Variants in RNF144A observed in about 807,000 individuals in gnomAD.
The protein encoded by RNF144A is E3 ubiquitin-protein ligase RNF144A.
In RNF144A, 11 loss-of-function variants were observed where a neutral mutation model predicts 38.7. The ratio of observed to expected loss-of-function variants is 0.28; its 90% confidence interval spans 0.18 to 0.47. The LOEUF (loss-of-function observed/expected upper bound fraction) is 0.47. Ranked by LOEUF, RNF144A falls within the 20% of genes least tolerant of loss-of-function variation. The probability of loss-of-function intolerance (pLI) is 0.99; values close to 1 mark genes in which losing one functional copy is unlikely to be tolerated. For missense variants in RNF144A, 316 were observed against 377.2 expected (o/e 0.84, Z 1.34); for synonymous variants, 149 against 143.9 (o/e 1.04, Z -0.25).
At chr2:7,070,047 C>T (rs7605451), downstream of RNF144A, among the ~76,000 whole-genome samples, 46,356 of 152,092 alleles carry the variant, frequency 0.3, 7,820 homozygotes, top group East Asian at 0.49. Flanking sequence ...TTCCAACTAT[C>T]AGGGATGTCC....
downstream of RNF144A, among the ~76,000 whole-genome samples, chr2:7,047,589 A>T (rs893918635): frequency 1.3e-5 from 2 of 152,136 alleles, no homozygotes; most frequent in Non-Finnish European, 2.9e-5. Context: ...CTCTCACAAC[A>T]TGTGGGAATT....
chr2:7,057,455 G>T (rs1673784539), intron 6 of RNF144A, among the ~76,000 whole-genome samples: 1 of 152,228 alleles, frequency 6.6e-6, no homozygotes, highest in Non-Finnish European at 1.5e-5. Context: ...TAAGATGTTA[G>T]ACAGTCAGGA....
intron 2 of RNF144A, among the ~76,000 whole-genome samples, chr2:6,994,970 T>C (rs1184314733): frequency 6.6e-6 from 1 of 152,168 alleles, no homozygotes; most frequent in Non-Finnish European, 1.5e-5. Flanking sequence ...TCCTTCGTCA[T>C]GTGTCACTGG....
intron 1 of RNF144A, among the ~76,000 whole-genome samples, chr2:6,935,875 A>T (rs967720219): frequency 1.3e-5 from 2 of 152,352 alleles, no homozygotes; most frequent in Non-Finnish European, 2.9e-5. Context: ...CATGTCATGG[A>T]CAGTGCTGCT....
chr2:6,997,026 A>G lies in RNF144A; in HGVS notation c.100A>G (p.Thr34Ala), dbSNP rs750986640. Residue 34 changes from threonine (T) to alanine (A), a missense_variant, in exon 3 of 9, where the codon ACC becomes GCC. By Grantham distance (58) the Thr-to-Ala change is moderately conservative. Transcript: ENST00000320892. The stretch of plus-strand genomic sequence containing the variant: ...GGAGTACCCAGTGGAGCAGATGACA[A>G]CCATAGCCCAGTGCCAATGCATCTT... ...LGEYPVEQMT[T>A]IAQCQCIFCT... is the part of the protein sequence containing the mutation. The G allele has an allele frequency of 5.0e-6, 8 of 1,614,208 alleles. No individual in the cohort carries two copies. The highest frequency in any genetic ancestry group is 5.9e-6 in the Non-Finnish European group (7 of 1,180,028).
intron 2 of RNF144A, among the ~76,000 whole-genome samples, chr2:6,985,959 C>T (rs777295617): frequency 1.3e-5 from 2 of 152,316 alleles, no homozygotes; most frequent in African/African-American, 4.8e-5. Context: ...CAGGCGTGAG[C>T]CACTGTGCCC....
intron 6 of RNF144A, among the ~76,000 whole-genome samples, chr2:7,061,467 G>A (rs1199068723): frequency 2.0e-5 from 3 of 152,172 alleles, no homozygotes; most frequent in Non-Finnish European, 4.4e-5. Flanking sequence ...AAGTCACATG[G>A]CAAGGGTGAT....
intron 8 of RNF144A, among the ~76,000 whole-genome samples, chr2:7,036,116 G>T (rs1368134659): frequency 1.3e-5 from 2 of 152,164 alleles, no homozygotes; most frequent in African/African-American, 2.4e-5. Flanking sequence ...CTGTGCATTC[G>T]CTGTGCACAC....
intron 8 of RNF144A, among the ~76,000 whole-genome samples, chr2:7,036,869 G>A (rs1044646117): frequency 3.3e-5 from 5 of 152,232 alleles, no homozygotes; most frequent in Non-Finnish European, 5.9e-5. Flanking sequence ...CAACTGGCTC[G>A]TCCCATAAAC....
intron 2 of RNF144A, among the ~76,000 whole-genome samples, chr2:6,954,903 T>C (rs1160729723): frequency 1.3e-5 from 2 of 152,212 alleles, no homozygotes; most frequent in Non-Finnish European, 2.9e-5. Context: ...TAAACCTTAT[T>C]TTCTGTAGTA....
At position 7,004,416 on chromosome 2, in the gene RNF144A, C is replaced by T. The variant is rs188426828; in HGVS notation, c.135+7355C>T. On this transcript the variant is annotated intron_variant, in intron 3 of 8. Coordinates refer to ENST00000320892, the MANE Select transcript of RNF144A (RefSeq NM_014746.6). ...ACCCTATCTGATCCTACTTCTGGGTCCTTAAGATGGGATCTAGTAACTGGC... is the reference window on the plus strand; with the variant it reads ...ACCCTATCTGATCCTACTTCTGGGTTCTTAAGATGGGATCTAGTAACTGGC... 4.6e-5 allele frequency among the ~76,000 whole-genome samples: 7 copies of T among 152,278 alleles called. No individual in the cohort carries two copies. The East Asian group carries it at 1.4e-3, about 29-fold the overall frequency.
chr2:7,039,464 AATGAGTAGATGATGACTAG>A (rs1221173446), intron 8 of RNF144A, among the ~76,000 whole-genome samples, 146 bp from the exon 9 acceptor site: 1 of 151,424 alleles, frequency 6.6e-6, no homozygotes, highest in Non-Finnish European at 1.5e-5. Flanking sequence ...TTAATGGATG[AATGAGTAGATGATGACTAG>A]ATGGGTAGAT....
At position 6,943,297 on chromosome 2, in the gene RNF144A, G is replaced by T. The variant is rs759966297; in HGVS notation, c.-12+2150G>T. Reference sequence around the variant, plus strand: ...AGGGAACAACCAGGGAGGAAGCGGGGGAACCAGGAGCATGGAGAGGACTGA... The same window carrying T: ...AGGGAACAACCAGGGAGGAAGCGGGTGAACCAGGAGCATGGAGAGGACTGA... On this transcript the variant is annotated intron_variant, in intron 2 of 8. Coordinates refer to ENST00000320892, the MANE Select transcript of RNF144A (RefSeq NM_014746.6). This position sits in a 1 kb window ranked among gnomAD's most constrained non-coding sequence, Gnocchi z 4.3. Among the ~76,000 whole-genome samples, 13 of 152,208 alleles carry T rather than the reference G, an allele frequency of 8.5e-5. No individual in the cohort carries two copies. Among genetic ancestry groups the T allele is most frequent in the Non-Finnish European group, 1.8e-4 (12 of 68,030 alleles).
intron 2 of RNF144A, among the ~76,000 whole-genome samples, chr2:6,971,604 C>G (rs1668002007): frequency 6.6e-6 from 1 of 152,162 alleles, no homozygotes; most frequent in African/African-American, 2.4e-5. Flanking sequence ...ATGGGGCAAT[C>G]AGTTATTCTA....
chr2:7,042,356 TG>T lies in RNF144A; in HGVS notation c.*2597del. 1.0e-6 allele frequency: 1 copy of T among 985,494 alleles called. No homozygotes were observed. Among genetic ancestry groups the T allele is most frequent in the Non-Finnish European group, 1.2e-6 (1 of 829,962 alleles). 61.0% of individuals were successfully genotyped at this position (985,494 alleles called of 1,614,324 possible). A position where few individuals can be genotyped will look rare whatever the true frequency, so the allele number is the denominator to read the frequency against. ...TGCGTTGAGTGGACGGACTTATTCC[TG>T]TGAAGCGGCATAATTTGTCTCCATT... is the stretch of plus-strand genomic sequence containing the variant. On this transcript the variant is annotated 3_prime_UTR_variant, in exon 9 of 9. Transcript: ENST00000320892.
chr2:6,981,303 A>C (rs1413071031), intron 2 of RNF144A, among the ~76,000 whole-genome samples: 2 of 151,492 alleles, frequency 1.3e-5, no homozygotes, highest in Non-Finnish European at 2.9e-5. Context: ...CTACATGGTC[A>C]GGCTGCAAAT....
intron 1 of RNF144A, among the ~76,000 whole-genome samples, chr2:6,930,514 C>T (rs1469107826): frequency 1.3e-5 from 2 of 152,008 alleles, no homozygotes; most frequent in South Asian, 4.1e-4. Context: ...CACACACACA[C>T]ATCTATGGGT....
chr2:6,922,634 T>C (rs577894939), intron 1 of RNF144A, among the ~76,000 whole-genome samples: 5 of 150,994 alleles, frequency 3.3e-5, no homozygotes, highest in African/African-American at 1.2e-4. Flanking sequence ...TTCTTTTTTT[T>C]TTTTTTTTGA....
At chr2:7,072,616 G>T (rs1305156005), downstream of RNF144A, among the ~76,000 whole-genome samples, 1 of 152,138 alleles carries the variant, frequency 6.6e-6, no homozygotes, top group African/African-American at 2.4e-5. Flanking sequence ...CACTTATCCT[G>T]CCACAGAATA....
Sources: allele counts gnomAD v4.1 joint callset (sites outside exome capture counted in the v4.1 genomes callset), GRCh38; gene constraint gnomAD v4.1.1; non-coding constraint Gnocchi (gnomAD v3.1); transcripts MANE v1.5; gene names NCBI Gene and HGNC (gene_info 2026-07-23, HGNC 2026-07-21).